LMX1B: variants seen among roughly 807,000 people sequenced by gnomAD.
LMX1B encodes LIM homeobox transcription factor 1-beta.
In LMX1B, 12 loss-of-function variants were observed where a neutral mutation model predicts 51.4. The ratio of observed to expected loss-of-function variants is 0.23; its 90% CI spans 0.15 to 0.38. The LOEUF (loss-of-function observed/expected upper bound fraction) is 0.38, where lower values mean the gene tolerates loss of function less well. LMX1B is among the 10% of genes least tolerant of loss of function. The pLI is 1.00. For missense variants in LMX1B, 445 were observed against 571.1 expected (o/e 0.78, Z 2.25); for synonymous variants, 237 against 235.4 (o/e 1.01, Z -0.06).
chr9:126,689,168 T>A (rs1464367291), intron 2 of LMX1B, among the ~76,000 whole-genome samples: 3 of 152,180 alleles, frequency 2.0e-5, no homozygotes, highest in African/African-American at 7.2e-5. Flanking sequence ...AGGAGCCTGC[T>A]GGGTAGAATA....
intron 2 of LMX1B, among the ~76,000 whole-genome samples, chr9:126,642,178 G>A (rs1228180192): frequency 1.3e-5 from 2 of 152,198 alleles, no homozygotes; most frequent in Non-Finnish European, 1.5e-5. Context: ...GCCTGCTGCT[G>A]CTACAACAGG....
intron 2 of LMX1B, among the ~76,000 whole-genome samples, chr9:126,676,435 C>T (rs1414231717): frequency 6.6e-6 from 1 of 152,198 alleles, no homozygotes; most frequent in African/African-American, 2.4e-5. Context: ...AGCACCGCAT[C>T]AGTATTTGGG....
At chr9:126,631,077 A>G (rs898862443) in intron 2 of LMX1B, among the ~76,000 whole-genome samples, 3 of 152,214 alleles carry the variant, frequency 2.0e-5, no homozygotes, top group African/African-American at 7.2e-5. Flanking sequence ...AGGGGCGGGC[A>G]GGGCAGTGGC....
At chr9:126,619,286 C>CG (rs1835364647) in intron 2 of LMX1B, among the ~76,000 whole-genome samples, 1 of 152,196 alleles carries the variant, frequency 6.6e-6, no homozygotes, top group Non-Finnish European at 1.5e-5. Context: ...ACCTCTCCCC[C>CG]CACACTCCCC....
At chr9:126,666,098 C>T (rs1029664416) in intron 2 of LMX1B, among the ~76,000 whole-genome samples, 78 of 152,240 alleles carry the variant, frequency 5.1e-4, no homozygotes, top group African/African-American at 1.8e-3. Context: ...CTTCTATGGC[C>T]GGCCTATTTT....
chr9:126,689,658 C>T (rs975820980), intron 2 of LMX1B, among the ~76,000 whole-genome samples: 5 of 152,168 alleles, frequency 3.3e-5, no homozygotes, highest in Admixed American at 2.6e-4. Flanking sequence ...CTGCCCAGCC[C>T]TCCTGCTAGT....
At chr9:126,656,438 G>GATA (rs1554725191) in intron 2 of LMX1B, among the ~76,000 whole-genome samples, 1 of 147,592 alleles carries the variant, frequency 6.8e-6, no homozygotes, top group Non-Finnish European at 1.5e-5. Flanking sequence ...TAGATAGATA[G>GATA]GATAGATAGA....
In LMX1B at chr9:126,685,547, G is replaced by A. The variant is rs1401356704; in HGVS notation, c.327-5289G>A. Among the ~76,000 whole-genome samples, 4 of 152,142 alleles carry A rather than the reference G, an allele frequency of 2.6e-5. 1 individual carries two copies. The highest frequency in any genetic ancestry group is 4.1e-4 in the South Asian group (2 of 4,824). ...GCTGGGAGTTGCCCTAAGCTGTGGC[G>A]GAGGGGCTGGACAGGGTTGCCTTGA... On this transcript the variant is annotated intron_variant, in intron 2 of 7. Coordinates refer to ENST00000373474, the MANE Select transcript of LMX1B (RefSeq NM_001174147.2).
At chr9:126,674,648 T>C (rs1306882937) in intron 2 of LMX1B, among the ~76,000 whole-genome samples, 1 of 151,920 alleles carries the variant, frequency 6.6e-6, no homozygotes, top group Non-Finnish European at 1.5e-5. Context: ...CAGGCAGGGC[T>C]CCCCCATCCA....
In LMX1B at chr9:126,661,700, CG is replaced by C. The variant is rs533171036; in HGVS notation, c.327-29132del. Among the ~76,000 whole-genome samples the C allele has an allele frequency of 4.1e-4, 63 of 152,128 alleles. No homozygotes were observed. The South Asian group carries it at 0.01, about 25-fold the overall frequency. ...CACCTGCCAGCCTGCAGTGTGGCTG[CG>C]GGGCCCGAGTTGAGCAGGCACCTGA... On this transcript the variant is annotated intron_variant, in intron 2 of 7. Coordinates refer to ENST00000373474, the MANE Select transcript of LMX1B (RefSeq NM_001174147.2).
At chr9:126,651,095 T>G (rs1588280532) in intron 2 of LMX1B, among the ~76,000 whole-genome samples, 1 of 151,748 alleles carries the variant, frequency 6.6e-6, no homozygotes, top group African/African-American at 2.4e-5. Context: ...GGCTCCAGGG[T>G]GGAGGAGAAG....
Position 126,637,195 on chromosome 9 carries a change from G to A in LMX1B, c.326+21626G>A, listed in dbSNP as rs372416634. On this transcript the variant is annotated intron_variant, in intron 2 of 7. Transcript: ENST00000373474. ...GGCGGTGGCACTGTGCTCTGGAACC[G>A]GCAGCATCTGGAGAGGCAGGCTCAG... Among the ~76,000 whole-genome samples the A allele has an allele frequency of 2.6e-3, 393 of 152,354 alleles. 1 individual carries two copies. Among genetic ancestry groups the A allele is most frequent in the Middle Eastern group, 0.014 (4 of 294 alleles).
intron 2 of LMX1B, among the ~76,000 whole-genome samples, chr9:126,688,636 C>T (rs2029998056): frequency 6.6e-6 from 1 of 152,208 alleles, no homozygotes; most frequent in Admixed American, 6.5e-5. Flanking sequence ...ATTCCTAGGG[C>T]CTCTGCCTAA....
chr9:126,664,342 G>T (rs1283456615), intron 2 of LMX1B, among the ~76,000 whole-genome samples: 1 of 152,032 alleles, frequency 6.6e-6, no homozygotes. Context: ...ACAGGACCAG[G>T]CCCCCCAAGT....
intron 2 of LMX1B, among the ~76,000 whole-genome samples, chr9:126,666,041 C>T (rs530798327): frequency 1.1e-4 from 16 of 152,360 alleles, no homozygotes; most frequent in African/African-American, 3.6e-4. Flanking sequence ...TGTGCCGAGG[C>T]GGTCTGCCCT....
At chr9:126,659,215 C>T (rs1398412167) in intron 2 of LMX1B, among the ~76,000 whole-genome samples, 1 of 152,246 alleles carries the variant, frequency 6.6e-6, no homozygotes. Context: ...AACTCATGCC[C>T]CAAGCCTGTC....
At chr9:126,696,240 G>A (rs1437214305) in intron 7 of LMX1B, 54 bp from the exon 8 acceptor site, 1 of 1,575,800 alleles carries the variant, frequency 6.3e-7, no homozygotes, top group Non-Finnish European at 8.7e-7. Flanking sequence ...CAAACAGGGG[G>A]CCCCCAGGAG....
chr9:126,640,287 C>T (rs1835785323), intron 2 of LMX1B, among the ~76,000 whole-genome samples: 1 of 152,098 alleles, frequency 6.6e-6, no homozygotes, highest in Admixed American at 6.5e-5. Context: ...GAGGGACCAG[C>T]GGGCAGCCCT....
intron 2 of LMX1B, among the ~76,000 whole-genome samples, chr9:126,684,812 T>G (rs1298947992): frequency 6.6e-6 from 1 of 152,152 alleles, no homozygotes; most frequent in East Asian, 1.9e-4. Flanking sequence ...CTCCCAGCCC[T>G]GCAGGAGGCA....
Sources: gnomAD v4.1 joint callset for allele counts (sites outside exome capture counted in the v4.1 genomes callset) on GRCh38, gnomAD v4.1.1 for gene constraint, MANE v1.5 for transcripts, NCBI Gene and HGNC (gene_info 2026-07-23, HGNC 2026-07-21) for gene names.